CALCR: variants seen among roughly 807,000 people sequenced by gnomAD.
The protein encoded by CALCR is calcitonin receptor.
A neutral mutation model predicts 59.5 loss-of-function variants in CALCR; 47 were observed. That is an observed-to-expected ratio of 0.79 (90% confidence interval 0.63 to 1.01). CALCR has a LOEUF of 1.01. CALCR is among the 50% of genes least tolerant of loss of function. The pLI is 0.00. For synonymous variants in CALCR, 213 were observed against 211.3 expected, an observed-to-expected ratio of 1.01 and a Z score of -0.07; for missense variants, 566 against 597.1, an observed-to-expected ratio of 0.95 and a Z score of 0.54.
At chr7:93,478,953 A>C (rs1800732045) in intron 4 of CALCR, among the ~76,000 whole-genome samples, 1 of 151,806 alleles carries the variant, frequency 6.6e-6, no homozygotes, top group Non-Finnish European at 1.5e-5. Context: ...ATTGACAGTT[A>C]AAGGGAAGAT....
At chr7:93,476,439 G>A (rs1800668038) in intron 5 of CALCR, among the ~76,000 whole-genome samples, 1 of 151,788 alleles carries the variant, frequency 6.6e-6, no homozygotes, top group Admixed American at 6.6e-5. Context: ...GTGTGTGTAT[G>A]TGTATATATA....
chr7:93,500,370 A>G (rs1437245783), intron 2 of CALCR, among the ~76,000 whole-genome samples: 1 of 151,926 alleles, frequency 6.6e-6, no homozygotes, highest in Admixed American at 6.6e-5. Context: ...GAAAGTGCTT[A>G]GACTTGAATA....
intron 12 of CALCR, 30 bp from the exon 13 acceptor site, chr7:93,434,324 GT>G (rs1799725780): frequency 1.3e-6 from 2 of 1,540,938 alleles, no homozygotes; most frequent in Non-Finnish European, 1.8e-6. Flanking sequence ...TACAGTTGAA[GT>G]TATTTTTGTG....
At chr7:93,570,442 TAA>T (rs1454202148) in intron 2 of CALCR, among the ~76,000 whole-genome samples, 2 of 152,146 alleles carry the variant, frequency 1.3e-5, no homozygotes, top group Non-Finnish European at 2.9e-5. Flanking sequence ...TGAGACTTGA[TAA>T]GAGAGAGGAA....
At chr7:93,448,188 T>TCA (rs201408231) in intron 8 of CALCR, among the ~76,000 whole-genome samples, 7 of 151,918 alleles carry the variant, frequency 4.6e-5, no homozygotes, top group South Asian at 2.1e-4. Flanking sequence ...CTCTTAGCTT[T>TCA]CACACACACA....
intron 8 of CALCR, among the ~76,000 whole-genome samples, chr7:93,457,957 G>A (rs959376828): frequency 1.3e-5 from 2 of 152,000 alleles, no homozygotes; most frequent in Non-Finnish European, 2.9e-5. Context: ...TGCTACGGAG[G>A]ACACTTACTC....
intron 2 of CALCR, among the ~76,000 whole-genome samples, chr7:93,521,983 C>T (rs1004579395): frequency 3.3e-5 from 5 of 152,106 alleles, no homozygotes; most frequent in African/African-American, 7.2e-5. Flanking sequence ...CAGTGAATTC[C>T]GTTTCCCTTT....
At chr7:93,527,618 AACTG>A (rs1788699152) in intron 2 of CALCR, among the ~76,000 whole-genome samples, 1 of 152,202 alleles carries the variant, frequency 6.6e-6, no homozygotes, top group Non-Finnish European at 1.5e-5. Context: ...TTTAGCAAAT[AACTG>A]ACTGGTTCTA....
At chr7:93,465,662 C>T (rs1395304431) in intron 7 of CALCR, among the ~76,000 whole-genome samples, 2 of 151,756 alleles carry the variant, frequency 1.3e-5, no homozygotes, top group African/African-American at 4.8e-5. Context: ...AGGAAGAATG[C>T]ATAGAAGATA....
chr7:93,530,738 T>A (rs1788811199), intron 2 of CALCR, among the ~76,000 whole-genome samples: 1 of 152,152 alleles, frequency 6.6e-6, no homozygotes, highest in African/African-American at 2.4e-5. Flanking sequence ...CTGTCAATAC[T>A]CCAGCCTTAT....
At chr7:93,523,494 A>G (rs1011194993) in intron 2 of CALCR, among the ~76,000 whole-genome samples, 38 of 152,176 alleles carry the variant, frequency 2.5e-4, no homozygotes, top group Admixed American at 2.4e-3. Flanking sequence ...CCTGTCATCT[A>G]CTAGATATTC....
At chr7:93,500,768 C>T (rs1801305423) in intron 2 of CALCR, among the ~76,000 whole-genome samples, 2 of 151,928 alleles carry the variant, frequency 1.3e-5, no homozygotes, top group Non-Finnish European at 2.9e-5. Context: ...CCTTAATACA[C>T]ATATCTCCCA....
At position 93,455,174 on chromosome 7, in the gene CALCR, G is replaced by C. The variant is rs139669803; in HGVS notation, c.648+5647C>G. On this transcript the variant is annotated intron_variant, in intron 8 of 13. Coordinates refer to ENST00000426151, the MANE Select transcript of CALCR (RefSeq NM_001742.4). ...ACAAACACACAAAACCCACCCCTCT[G>C]TCTGTCTTTAGTTTGCTTAAGAATA... Among the ~76,000 whole-genome samples the C allele has an allele frequency of 6.8e-4, 103 of 151,948 alleles. 1 individual carries two copies. Among genetic ancestry groups the C allele is most frequent in the East Asian group, 1.6e-3 (8 of 5,140 alleles).
At chr7:93,477,030 G>A (rs1295122746) in intron 5 of CALCR, among the ~76,000 whole-genome samples, 1 of 151,844 alleles carries the variant, frequency 6.6e-6, no homozygotes, top group Non-Finnish European at 1.5e-5. Flanking sequence ...CTGGAAGGAA[G>A]CACAAAAAGC....
intron 2 of CALCR, among the ~76,000 whole-genome samples, chr7:93,572,415 T>C (rs149590270): frequency 1.3e-5 from 2 of 152,270 alleles, no homozygotes; most frequent in African/African-American, 2.4e-5. Flanking sequence ...ACAGATATTC[T>C]GATTTGATTG....
rs995570359 is a variant in CALCR, at chr7:93,567,672, G to T, written c.-27+6617C>A. Among the ~76,000 whole-genome samples, 22 of 152,106 alleles carry T rather than the reference G, an allele frequency of 1.4e-4. No homozygotes were observed. In the East Asian group the frequency reaches 4.3e-3, roughly 29 times the overall value. On this transcript the variant is annotated intron_variant, in intron 2 of 13. Coordinates refer to ENST00000426151, the MANE Select transcript of CALCR (RefSeq NM_001742.4). ...CTCATCAACTCGTCATTTACATTAG[G>T]TATTTCTTCTGATGCTATCCCTCCC...
Position 93,438,202 on chromosome 7 carries a change from A to G in CALCR, c.863+8T>C, listed in dbSNP as rs755173891. 6 of 1,612,600 alleles carry G rather than the reference A, an allele frequency of 3.7e-6. No individual in the cohort carries two copies. The highest frequency in any genetic ancestry group is 5.1e-6 in the Non-Finnish European group (6 of 1,178,610). Reference sequence around the variant, plus strand: ...ATATGTTAACTTAAACATCACCATAATACTTACTTGTCATTGAAGTACACG... The same window carrying G: ...ATATGTTAACTTAAACATCACCATAGTACTTACTTGTCATTGAAGTACACG... On this transcript the variant is annotated splice_region_variant and intron_variant, in intron 10 of 13. Transcript: ENST00000426151.
At chr7:93,553,938 C>T (rs983039926) in intron 2 of CALCR, among the ~76,000 whole-genome samples, 4 of 152,152 alleles carry the variant, frequency 2.6e-5, no homozygotes, top group African/African-American at 9.7e-5. Context: ...CCCACTGCAC[C>T]TAGATGTGAC....
chr7:93,460,706 A>G (rs1800315091), intron 8 of CALCR, 115 bp downstream of exon 8: 1 of 661,064 alleles, frequency 1.5e-6, no homozygotes, highest in South Asian at 3.6e-5. Flanking sequence ...CGGTAGAAGT[A>G]AATATGATTA....
Sources: gnomAD v4.1 joint callset for allele counts (sites outside exome capture counted in the v4.1 genomes callset) on GRCh38, gnomAD v4.1.1 for gene constraint, MANE v1.5 for transcripts, NCBI Gene and HGNC (gene_info 2026-07-23, HGNC 2026-07-21) for gene names.